The following UBE4B variants were observed in gnomAD, a reference collection of about 807,000 sequenced individuals.
UBE4B encodes ubiquitination factor E4B, also known as ubiquitin conjugation factor E4 B.
UBE4B carries 27 observed loss-of-function variants against 148.1 expected under a neutral mutation model. The ratio of observed to expected loss-of-function variants is 0.18; its 90% CI spans 0.13 to 0.25. UBE4B has a LOEUF of 0.25. Ranked by LOEUF, UBE4B falls within the 10% of genes least tolerant of loss-of-function variation. The pLI, the probability that UBE4B is intolerant of heterozygous loss-of-function variation, is 1.00. For missense variants in UBE4B, 1,170 were observed against 1,662.4 expected, an observed-to-expected ratio of 0.70 and a Z score of 5.15; for synonymous variants, 596 against 619.3, an observed-to-expected ratio of 0.96 and a Z score of 0.56.
At chr1:10,133,758 A>G (rs552438197) in intron 15 of UBE4B, among the ~76,000 whole-genome samples, 11 of 152,092 alleles carry the variant, frequency 7.2e-5, no homozygotes, top group Non-Finnish European at 1.5e-4. Flanking sequence ...AAAATATACA[A>G]AAGTCATCTG....
At position 10,056,632 on chromosome 1, in the gene UBE4B, T is replaced by A. The variant is rs558517039; in HGVS notation, c.25-15396T>A. The stretch of plus-strand genomic sequence containing the variant: ...CTATTTTATAAGATAAGAAATATTT[T>A]GTCACTTTCTTATAAATGGGGAAAT... On this transcript the variant is annotated intron_variant, in intron 1 of 27. Coordinates refer to ENST00000343090, the MANE Select transcript of UBE4B (RefSeq NM_001105562.3). 3.3e-4 allele frequency among the ~76,000 whole-genome samples: 50 copies of A among 152,360 alleles called. No homozygotes were observed. The South Asian group carries it at 9.9e-3, about 30-fold the overall frequency.
At chr1:10,135,371 C>T (rs1166673464) in intron 16 of UBE4B, among the ~76,000 whole-genome samples, 185 bp downstream of exon 16, 3 of 151,888 alleles carry the variant, frequency 2.0e-5, no homozygotes, top group East Asian at 1.9e-4. Flanking sequence ...TTTGGGAGGC[C>T]GAGGCAGGTG....
chr1:10,123,949 A>G (rs1187513426), intron 10 of UBE4B, among the ~76,000 whole-genome samples: 2 of 149,702 alleles, frequency 1.3e-5, no homozygotes, highest in African/African-American at 2.5e-5. Context: ...AATTTTTTGT[A>G]TTTTTATTAG....
intron 14 of UBE4B, among the ~76,000 whole-genome samples, 173 bp from the exon 15 acceptor site, chr1:10,132,196 T>C (rs1165429904): frequency 6.6e-6 from 1 of 152,190 alleles, no homozygotes; most frequent in Non-Finnish European, 1.5e-5. Flanking sequence ...GCTCATTACT[T>C]TGACATAGTT....
intron 16 of UBE4B, among the ~76,000 whole-genome samples, chr1:10,135,626 C>T (rs1341547836): frequency 6.6e-6 from 1 of 151,378 alleles, no homozygotes; most frequent in African/African-American, 2.4e-5. Flanking sequence ...ATCCCAGCTA[C>T]TCAGGAGGCT....
At position 10,106,378 on chromosome 1, in the gene UBE4B, C is replaced by T. The variant is rs372819662; in HGVS notation, c.991C>T (p.Arg331Cys). 1.2e-5 allele frequency: 19 copies of T among 1,612,440 alleles called. 1 individual carries two copies. In the Middle Eastern group the frequency reaches 4.9e-4, roughly 42 times the overall value. ...AAGCCAGCCTTCATCCCCGCGGTATCGCCCCTACACTGTCACTCACCCATG... is the reference window on the plus strand; with the variant it reads ...AAGCCAGCCTTCATCCCCGCGGTATTGCCCCTACACTGTCACTCACCCATG... ...AGSQPSSPRY[R>C]PYTVTHPWAS... Residue 331 changes from arginine to cysteine, a missense_variant, in exon 7 of 28, where the codon CGC becomes TGC. Arg to Cys is a radical substitution (Grantham distance 180, BLOSUM62 -3). Transcript: ENST00000343090. This position sits in a 1 kb window ranked among gnomAD's most constrained non-coding sequence, Gnocchi z 4.2.
rs189000482 is a variant in UBE4B, at chr1:10,063,136, C to T, written c.25-8892C>T. Among the ~76,000 whole-genome samples, 748 of 152,092 alleles carry T rather than the reference C, an allele frequency of 4.9e-3. 7 individuals are homozygous for T. Among genetic ancestry groups the T allele is most frequent in the African/African-American group, 0.017 (719 of 41,492 alleles). ...TACAAAAATTAGCTGGGTGTGGTGG[C>T]GCATGCCTGTAGTCCCAGCCACTGG... On this transcript the variant is annotated intron_variant, in intron 1 of 27. Coordinates refer to ENST00000343090, the MANE Select transcript of UBE4B (RefSeq NM_001105562.3).
At chr1:10,177,258 G>A (rs546561012) in intron 25 of UBE4B, among the ~76,000 whole-genome samples, 3 of 151,250 alleles carry the variant, frequency 2.0e-5, no homozygotes, top group East Asian at 2.0e-4. Flanking sequence ...AGTGGCTCAC[G>A]CCTGTAATCC....
At chr1:10,050,979 G>C (rs183316758) in intron 1 of UBE4B, among the ~76,000 whole-genome samples, 1 of 152,268 alleles carries the variant, frequency 6.6e-6, no homozygotes, top group Admixed American at 6.5e-5. Flanking sequence ...TTCTAATTCA[G>C]AGTCAGACAT....
At chr1:10,130,917 C>T in intron 14 of UBE4B, 104 bp downstream of exon 14, 2 of 963,476 alleles carry the variant, frequency 2.1e-6, no homozygotes, top group Non-Finnish European at 3.2e-6. Flanking sequence ...AAACGGCTAA[C>T]AAAAGCCAAT....
Position 10,144,979 on chromosome 1 carries a change from A to G in UBE4B, c.2403A>G (p.Lys801=), listed in dbSNP as rs1645845651. Residue 801 remains lysine, a synonymous_variant, in exon 18 of 28, where the codon AAA becomes AAG. Coordinates refer to ENST00000343090, the MANE Select transcript of UBE4B (RefSeq NM_001105562.3). ...TGAAAAATAATGAAAGCCAATGGAAAGATTCCCCACTGGCAACTAGACACC... is the reference window on the plus strand; with the variant it reads ...TGAAAAATAATGAAAGCCAATGGAAGGATTCCCCACTGGCAACTAGACACC... ...EDLKNNESQW[K]DSPLATRHRE... 2 of 1,613,986 alleles carry G rather than the reference A, an allele frequency of 1.2e-6. No individual in the cohort carries two copies. The highest frequency in any genetic ancestry group is 1.7e-6 in the Non-Finnish European group (2 of 1,179,938).
intron 3 of UBE4B, among the ~76,000 whole-genome samples, chr1:10,099,534 T>C (rs1644976835): frequency 6.6e-6 from 1 of 152,270 alleles, no homozygotes; most frequent in Non-Finnish European, 1.5e-5. Context: ...CTCAGTAATA[T>C]ATTACTTCTC....
At chr1:10,104,014 C>T (rs1480796684) in intron 5 of UBE4B, among the ~76,000 whole-genome samples, 1 of 152,052 alleles carries the variant, frequency 6.6e-6, no homozygotes, top group Non-Finnish European at 1.5e-5. Flanking sequence ...CCTGCCTCGG[C>T]CTCCCAAAGT....
intron 1 of UBE4B, among the ~76,000 whole-genome samples, chr1:10,055,690 T>C (rs1644153232): frequency 6.6e-6 from 1 of 152,070 alleles, no homozygotes; most frequent in Admixed American, 6.6e-5. Flanking sequence ...GAGGCCAAGG[T>C]GGGCAGATCA....
intron 15 of UBE4B, 116 bp from the exon 16 acceptor site, chr1:10,134,872 G>A: frequency 1.3e-6 from 1 of 796,160 alleles, no homozygotes; most frequent in East Asian, 2.7e-5. Context: ...CTGGGAGGTG[G>A]AGGTTGCAGC....
chr1:10,108,166 T>C (rs909910539), intron 7 of UBE4B, among the ~76,000 whole-genome samples: 93 of 151,624 alleles, frequency 6.1e-4, no homozygotes, highest in Non-Finnish European at 9.7e-4. Context: ...TGTGTGTGTG[T>C]GCGTGCGTGC....
At chr1:10,036,286 T>C (rs925092473) in intron 1 of UBE4B, among the ~76,000 whole-genome samples, 76 of 152,192 alleles carry the variant, frequency 5.0e-4, no homozygotes, top group African/African-American at 1.8e-3. Flanking sequence ...GAGGAACACA[T>C]GTAACCTTTG....
chr1:10,166,328 G>A (rs927503574), intron 23 of UBE4B: 1 of 152,258 alleles, frequency 6.6e-6, no homozygotes, highest in Non-Finnish European at 1.5e-5. Context: ...GTTGAAGGAG[G>A]AAAGTGCGCC....
At chr1:10,094,534 AG>A (rs1269060327) in intron 2 of UBE4B, among the ~76,000 whole-genome samples, 4 of 151,702 alleles carry the variant, frequency 2.6e-5, no homozygotes, top group African/African-American at 9.7e-5. Context: ...CCCGGGTTCA[AG>A]CAATTCTCCT....
Sources: allele counts gnomAD v4.1 joint callset (sites outside exome capture counted in the v4.1 genomes callset), GRCh38; gene constraint gnomAD v4.1.1; non-coding constraint Gnocchi (gnomAD v3.1); transcripts MANE v1.5; gene names NCBI Gene and HGNC (gene_info 2026-07-23, HGNC 2026-07-21).